The following ARHGAP22 variants were observed in gnomAD, a reference collection of about 807,000 sequenced individuals.
The protein encoded by ARHGAP22 is rho GTPase-activating protein 22.
ARHGAP22 carries 48 observed loss-of-function variants against 59.1 expected under a neutral mutation model. That is an observed-to-expected ratio of 0.81 (90% CI 0.64 to 1.03). ARHGAP22 has a LOEUF of 1.03. Ranked by LOEUF, ARHGAP22 falls within the 50% of genes least tolerant of loss-of-function variation. The pLI, the probability that ARHGAP22 is intolerant of heterozygous loss-of-function variation, is 0.00. For missense variants in ARHGAP22, 1,015 were observed against 958.7 expected (o/e 1.06, Z -0.78); for synonymous variants, 445 against 416.4 (o/e 1.07, Z -0.84).
At chr10:48,652,259 C>A in exon 1 of ARHGAP22, 1 of 1,535,698 alleles carries the variant, frequency 6.5e-7, no homozygotes. Context: ...CAAACGTCCT[C>A]CTTTTGCTGG....
At chr10:48,648,821 G>C (rs1055636846) in intron 1 of ARHGAP22, among the ~76,000 whole-genome samples, 4 of 152,198 alleles carry the variant, frequency 2.6e-5, no homozygotes, top group Non-Finnish European at 5.9e-5. Context: ...CGATGGGCAA[G>C]GCGGGTGCCA....
At chr10:48,496,509 T>A (rs1333595207) in intron 3 of ARHGAP22, among the ~76,000 whole-genome samples, 2 of 152,190 alleles carry the variant, frequency 1.3e-5, no homozygotes, top group Non-Finnish European at 2.9e-5. Context: ...CATAGTCACA[T>A]AGGTAAGAAC....
intron 1 of ARHGAP22, chr10:48,652,099 C>T: frequency 1.3e-6 from 1 of 798,860 alleles, no homozygotes. Context: ...TGAAGGAGGT[C>T]AGAACCCTGA....
At chr10:48,536,128 G>A (rs770305867) in intron 3 of ARHGAP22, among the ~76,000 whole-genome samples, 7 of 152,238 alleles carry the variant, frequency 4.6e-5, no homozygotes, top group Non-Finnish European at 1.0e-4. Flanking sequence ...GCAATTCTTC[G>A]AGGGTGTTCT....
intron 2 of ARHGAP22, among the ~76,000 whole-genome samples, chr10:48,578,322 GTT>G (rs1049083094): frequency 6.6e-6 from 1 of 152,058 alleles, no homozygotes; most frequent in Admixed American, 6.6e-5. Flanking sequence ...TCCCTCATCT[GTT>G]TTCCTGCATC....
intron 4 of ARHGAP22, among the ~76,000 whole-genome samples, chr10:48,478,878 G>T (rs1484975003): frequency 6.6e-6 from 1 of 152,134 alleles, no homozygotes; most frequent in African/African-American, 2.4e-5. Context: ...GTCTACTGCT[G>T]TCCCTCTATG....
intron 3 of ARHGAP22, among the ~76,000 whole-genome samples, chr10:48,520,186 G>C (rs1012430674): frequency 1.3e-5 from 2 of 152,222 alleles, no homozygotes; most frequent in Non-Finnish European, 2.9e-5. Context: ...GCCGCAGACA[G>C]GCACTGCAGA....
intron 3 of ARHGAP22, among the ~76,000 whole-genome samples, chr10:48,531,395 A>G (rs1352790486): frequency 6.6e-6 from 1 of 152,222 alleles, no homozygotes; most frequent in Non-Finnish European, 1.5e-5. Flanking sequence ...AATAAACACC[A>G]CATGTTCCCC....
downstream of ARHGAP22, among the ~76,000 whole-genome samples, chr10:48,443,663 G>A (rs111628492): frequency 5.1e-3 from 770 of 152,166 alleles, 5 homozygotes; most frequent in African/African-American, 0.017. Context: ...GCTCTGCAGG[G>A]GCCTGGGGTT....
the ARHGAP22 span, chr10:48,438,785 G>A: frequency 2.6e-5 from 4 of 152,264 alleles, no homozygotes; most frequent in East Asian, 3.9e-4. Flanking sequence ...TAAGAGACAC[G>A]TGTAAAATCT....
intron 1 of ARHGAP22, among the ~76,000 whole-genome samples, chr10:48,647,032 A>G (rs1218353982): frequency 6.6e-6 from 1 of 152,220 alleles, no homozygotes; most frequent in Admixed American, 6.5e-5. Context: ...CATTCTTACC[A>G]CTCTAATAAG....
chr10:48,580,490 C>A (rs1426112880), intron 2 of ARHGAP22, among the ~76,000 whole-genome samples: 1 of 152,182 alleles, frequency 6.6e-6, no homozygotes, highest in Admixed American at 6.5e-5. Context: ...CGGGCTCTCC[C>A]AGCATCACAA....
the ARHGAP22 span, chr10:48,435,056 G>GGGGC: frequency 8.2e-7 from 1 of 1,214,558 alleles, no homozygotes; most frequent in Non-Finnish European, 1.1e-6. Flanking sequence ...GGGGTGGGAG[G>GGGGC]GATGGGGAGT....
At chr10:48,578,524 ATGTGTGTGTG>A (rs3076347) in intron 2 of ARHGAP22, among the ~76,000 whole-genome samples, 61,035 of 150,052 alleles carry the variant, frequency 0.41, 13,077 homozygotes, top group Non-Finnish European at 0.49. Flanking sequence ...TATGCAGTGT[ATGTGTGTGTG>A]TGTGTGTGTG....
At chr10:48,459,617 C>T in intron 5 of ARHGAP22, 67 bp downstream of exon 5, 1 of 1,563,276 alleles carries the variant, frequency 6.4e-7, no homozygotes. Context: ...GAGCTGGTGT[C>T]CTGGGCAGGA....
chr10:48,447,076 A>G (rs1386548902), intron 9 of ARHGAP22, among the ~76,000 whole-genome samples: 2 of 152,154 alleles, frequency 1.3e-5, no homozygotes, highest in Non-Finnish European at 2.9e-5. Flanking sequence ...TGACCCACAG[A>G]AGATCCTGTG....
At chr10:48,521,672 G>A (rs1475156750) in intron 3 of ARHGAP22, among the ~76,000 whole-genome samples, 2 of 152,224 alleles carry the variant, frequency 1.3e-5, no homozygotes. Flanking sequence ...CCTTAGGTGG[G>A]TGGCAAGAGC....
rs184395811 is a variant in ARHGAP22, at chr10:48,601,730, T to G, written c.34+3033A>C. On this transcript the variant is annotated intron_variant, in intron 1 of 9. Coordinates refer to ENST00000249601, the MANE Select transcript of ARHGAP22 (RefSeq NM_021226.4). Reference sequence around the variant, plus strand: ...GTTATATATGATAATAATTTTTCTTTCATGAATCACTTTTGTTTTCTGTGG... The same window carrying G: ...GTTATATATGATAATAATTTTTCTTGCATGAATCACTTTTGTTTTCTGTGG... Among the ~76,000 whole-genome samples, 179 of 152,366 alleles carry G rather than the reference T, an allele frequency of 1.2e-3. 1 individual carries two copies. Among genetic ancestry groups the G allele is most frequent in the African/African-American group, 4.1e-3 (170 of 41,590 alleles).
intron 9 of ARHGAP22, 75 bp downstream of exon 9, chr10:48,450,186 G>C (rs1329432257): frequency 3.2e-6 from 5 of 1,539,292 alleles, no homozygotes; most frequent in Non-Finnish European, 4.4e-6. Context: ...AGGGGCCGAC[G>C]CCCATGTGCC....
Sources: allele counts gnomAD v4.1 joint callset (sites outside exome capture counted in the v4.1 genomes callset), GRCh38; gene constraint gnomAD v4.1.1; transcripts MANE v1.5; gene names NCBI Gene and HGNC (gene_info 2026-07-23, HGNC 2026-07-21).